PDE7B: variants seen among roughly 807,000 people sequenced by gnomAD.
The protein encoded by PDE7B is phosphodiesterase 7B.
In PDE7B, 29 loss-of-function variants were observed where a neutral mutation model predicts 56.2. The ratio of observed to expected loss-of-function variants is 0.52; its 90% CI spans 0.38 to 0.70. The LOEUF (loss-of-function observed/expected upper bound fraction) is 0.70. PDE7B is among the 30% of genes least tolerant of loss of function. The pLI, the probability that PDE7B is intolerant of heterozygous loss-of-function variation, is 0.00. For synonymous variants in PDE7B, 197 were observed against 196.9 expected (o/e 1.00, Z 0.00); for missense variants, 490 against 565.0 (o/e 0.87, Z 1.35).
chr6:135,924,201 C>T (rs147316952), intron 1 of PDE7B, among the ~76,000 whole-genome samples: 213 of 152,162 alleles, frequency 1.4e-3, no homozygotes, highest in Non-Finnish European at 2.3e-3. Flanking sequence ...GAAAAATTTC[C>T]TAACCTAAAA....
At chr6:135,995,731 G>A (rs954072517) in intron 2 of PDE7B, among the ~76,000 whole-genome samples, 1 of 152,132 alleles carries the variant, frequency 6.6e-6, no homozygotes, top group African/African-American at 2.4e-5. Context: ...GCAAAGCCTT[G>A]CCCATATCCA....
At chr6:135,893,014 G>T (rs1775835448) in intron 1 of PDE7B, among the ~76,000 whole-genome samples, 1 of 151,904 alleles carries the variant, frequency 6.6e-6, no homozygotes, top group Non-Finnish European at 1.5e-5. Flanking sequence ...CACTTTTCTT[G>T]TTCTGTCTTC....
At chr6:135,974,756 C>A (rs1331929313) in intron 2 of PDE7B, among the ~76,000 whole-genome samples, 2 of 152,212 alleles carry the variant, frequency 1.3e-5, no homozygotes, top group African/African-American at 4.8e-5. Flanking sequence ...TTTACAGCTA[C>A]ACAATCATCA....
intron 1 of PDE7B, among the ~76,000 whole-genome samples, chr6:135,907,902 A>G (rs1382274793): frequency 6.6e-6 from 1 of 152,212 alleles, no homozygotes; most frequent in Non-Finnish European, 1.5e-5. Flanking sequence ...TTGAAAAGAC[A>G]TGTCATATCA....
intron 2 of PDE7B, among the ~76,000 whole-genome samples, chr6:136,005,916 T>A (rs554261128): frequency 3.3e-5 from 5 of 152,050 alleles, no homozygotes; most frequent in African/African-American, 9.7e-5. Flanking sequence ...GTATGTTTAT[T>A]GCGGCACTAT....
intron 3 of PDE7B, among the ~76,000 whole-genome samples, chr6:136,132,606 C>T (rs975909624): frequency 2.6e-5 from 4 of 152,090 alleles, no homozygotes; most frequent in African/African-American, 9.7e-5. Flanking sequence ...ATGTAAATTA[C>T]CTAGTAGGTG....
intron 2 of PDE7B, among the ~76,000 whole-genome samples, chr6:136,008,581 C>T (rs1034508122): frequency 1.3e-5 from 2 of 152,194 alleles, no homozygotes; most frequent in Non-Finnish European, 2.9e-5. Context: ...TCTCTGATGG[C>T]CAGTGAGGAT....
chr6:136,133,197 C>T lies in PDE7B; in HGVS notation c.167-14154C>T, dbSNP rs1778148132. The stretch of plus-strand genomic sequence containing the variant: ...TGTATACATATGTAACTAACCTGCA[C>T]ATTGTGCACATGTACCCTAAAACTT... On this transcript the variant is annotated intron_variant, in intron 3 of 12. Coordinates refer to ENST00000308191, the MANE Select transcript of PDE7B (RefSeq NM_018945.4). 1.3e-5 allele frequency among the ~76,000 whole-genome samples: 2 copies of T among 151,206 alleles called. 1 individual carries two copies. Among genetic ancestry groups the T allele is most frequent in the South Asian group, 4.2e-4 (2 of 4,792 alleles).
At chr6:135,949,533 T>C (rs1774660066) in intron 2 of PDE7B, among the ~76,000 whole-genome samples, 1 of 152,052 alleles carries the variant, frequency 6.6e-6, no homozygotes, top group Non-Finnish European at 1.5e-5. Context: ...GTCATAATAA[T>C]TACAGTTAAT....
At chr6:136,052,582 G>A (rs966372327) in intron 2 of PDE7B, among the ~76,000 whole-genome samples, 2 of 151,788 alleles carry the variant, frequency 1.3e-5, no homozygotes, top group African/African-American at 2.4e-5. Context: ...TCCACCCAGA[G>A]CTCAGTTCTT....
intron 3 of PDE7B, among the ~76,000 whole-genome samples, chr6:136,135,067 G>C (rs150760237): frequency 7.2e-5 from 11 of 152,198 alleles, no homozygotes; most frequent in African/African-American, 2.6e-4. Context: ...TGGTGGCAAT[G>C]TTGAAACAAA....
chr6:136,186,284 C>T (rs147018124), intron 11 of PDE7B, among the ~76,000 whole-genome samples: 8 of 151,988 alleles, frequency 5.3e-5, no homozygotes, highest in African/African-American at 1.9e-4. Flanking sequence ...ATACATTAGC[C>T]GGGCATGGTG....
intron 6 of PDE7B, among the ~76,000 whole-genome samples, chr6:136,153,383 G>T (rs1778553268): frequency 4.6e-5 from 7 of 152,190 alleles, no homozygotes. Flanking sequence ...CATCGCCTTG[G>T]TTATGAGCTG....
chr6:135,956,327 A>G (rs1774793287), intron 2 of PDE7B, among the ~76,000 whole-genome samples: 1 of 152,334 alleles, frequency 6.6e-6, no homozygotes, highest in East Asian at 1.9e-4. Flanking sequence ...CAAATGTAAA[A>G]TACTGTAGAG....
At chr6:136,057,646 A>T (rs1265843805) in intron 2 of PDE7B, among the ~76,000 whole-genome samples, 1 of 152,220 alleles carries the variant, frequency 6.6e-6, no homozygotes, top group African/African-American at 2.4e-5. Flanking sequence ...TATTCATGGT[A>T]TGAATGGCCA....
At chr6:136,033,032 GA>G (rs1776266956) in intron 2 of PDE7B, among the ~76,000 whole-genome samples, 1 of 152,192 alleles carries the variant, frequency 6.6e-6, no homozygotes, top group African/African-American at 2.4e-5. Flanking sequence ...ACTCGAATGT[GA>G]AATTCTGAAA....
chr6:135,910,789 C>T (rs1054396787), intron 1 of PDE7B, among the ~76,000 whole-genome samples: 1 of 152,164 alleles, frequency 6.6e-6, no homozygotes, highest in Admixed American at 6.5e-5. Flanking sequence ...CCCCTGCCCC[C>T]GCATCTAACC....
chr6:135,997,272 G>A (rs543234072), intron 2 of PDE7B, among the ~76,000 whole-genome samples: 1 of 151,584 alleles, frequency 6.6e-6, no homozygotes, highest in African/African-American at 2.4e-5. Flanking sequence ...AAATTAGCCA[G>A]GTGTGGTGGC....
At chr6:135,906,836 T>TA (rs1554265659) in intron 1 of PDE7B, among the ~76,000 whole-genome samples, 3 of 145,170 alleles carry the variant, frequency 2.1e-5, no homozygotes, top group Non-Finnish European at 4.5e-5. Context: ...TTTTTTTTTT[T>TA]AATCCTCTAG....
Sources: gnomAD v4.1 joint callset for allele counts (sites outside exome capture counted in the v4.1 genomes callset) on GRCh38, gnomAD v4.1.1 for gene constraint, MANE v1.5 for transcripts, NCBI Gene and HGNC (gene_info 2026-07-23, HGNC 2026-07-21) for gene names.